Variants in JMJD1C observed in about 807,000 individuals in gnomAD.
JMJD1C encodes jumonji domain containing 1C.
In JMJD1C, 31 loss-of-function variants were observed where a neutral mutation model predicts 245.3. The observed-to-expected ratio is 0.13, with a 90% CI of 0.09 to 0.17. JMJD1C has a LOEUF of 0.17. Ranked by LOEUF, JMJD1C falls within the 10% of genes least tolerant of loss-of-function variation. JMJD1C has a pLI of 1.00. For synonymous variants in JMJD1C, 1,057 were observed against 1,017.4 expected, an observed-to-expected ratio of 1.04 and a Z score of -0.74; for missense variants, 2,691 against 3,000.2, an observed-to-expected ratio of 0.90 and a Z score of 2.41.
intron 1 of JMJD1C, among the ~76,000 whole-genome samples, chr10:63,420,458 G>A (rs920133491): frequency 1.3e-5 from 2 of 152,006 alleles, no homozygotes. Flanking sequence ...AGCAGTTTGG[G>A]AGGCAGAGGC....
At chr10:63,310,361 C>G (rs780645911) in intron 2 of JMJD1C, among the ~76,000 whole-genome samples, 3 of 152,142 alleles carry the variant, frequency 2.0e-5, no homozygotes, top group African/African-American at 4.8e-5. Context: ...GGAACGCTTG[C>G]CTTGCCAGAT....
chr10:63,372,755 C>A (rs1946410255), intron 2 of JMJD1C, among the ~76,000 whole-genome samples: 1 of 152,152 alleles, frequency 6.6e-6, no homozygotes, highest in Non-Finnish European at 1.5e-5. Flanking sequence ...AAAGAACTTA[C>A]AATCTATTAA....
chr10:63,329,493 A>G (rs1343112506), intron 2 of JMJD1C, among the ~76,000 whole-genome samples: 1 of 131,134 alleles, frequency 7.6e-6, no homozygotes, highest in Admixed American at 7.4e-5. Flanking sequence ...AAAAAAAAAA[A>G]GGATATGAAC....
chr10:63,181,333 C>T lies in JMJD1C; in HGVS notation c.7084+2114G>A, dbSNP rs547011245. On this transcript the variant is annotated intron_variant, in intron 22 of 25. Coordinates refer to ENST00000399262, the MANE Select transcript of JMJD1C (RefSeq NM_032776.3). ...AAATTAAAATAACAAGTACATGAGGCGGGGGAGGCATCATAATAAAGAGAA... is the reference window on the plus strand; with the variant it reads ...AAATTAAAATAACAAGTACATGAGGTGGGGGAGGCATCATAATAAAGAGAA... Among the ~76,000 whole-genome samples, 300 of 152,040 alleles carry T rather than the reference C, an allele frequency of 2.0e-3. 1 individual carries two copies. The highest frequency in any genetic ancestry group is 2.9e-3 in the Non-Finnish European group (198 of 67,996).
intron 1 of JMJD1C, among the ~76,000 whole-genome samples, chr10:63,450,323 A>G (rs1002067708): frequency 6.6e-6 from 1 of 152,060 alleles, no homozygotes; most frequent in Non-Finnish European, 1.5e-5. Flanking sequence ...GGGGTGTAAA[A>G]AAGGATATTC....
chr10:63,369,718 G>A (rs1003044266), intron 2 of JMJD1C, among the ~76,000 whole-genome samples: 2 of 152,152 alleles, frequency 1.3e-5, no homozygotes, highest in Non-Finnish European at 2.9e-5. Context: ...TAAGAGTGTA[G>A]GCCAAAGGCT....
chr10:63,168,200 TC>T, intron 25 of JMJD1C, 66 bp from the exon 26 acceptor site: 1 of 1,256,686 alleles, frequency 8.0e-7, no homozygotes, highest in Non-Finnish European at 1.1e-6. Flanking sequence ...AATGACAACT[TC>T]CAGATTTAAA....
At chr10:63,219,831 G>T (rs1260752216) in intron 4 of JMJD1C, 47 bp downstream of exon 4, 2 of 1,311,222 alleles carry the variant, frequency 1.5e-6, no homozygotes. Context: ...AATATGATAA[G>T]TTGCCTAGAT....
At chr10:63,466,546 G>C (rs1953295466), upstream of JMJD1C, 1 of 152,184 alleles carries the variant, frequency 6.6e-6, no homozygotes, top group Non-Finnish European at 1.5e-5. Context: ...ACATGTTTAA[G>C]CTATTCACAG....
intron 10 of JMJD1C, chr10:63,203,315 T>G: frequency 5.1e-6 from 5 of 983,112 alleles, no homozygotes; most frequent in South Asian, 9.4e-5. Context: ...TTAAGACACT[T>G]AGTCAACAAA....
In JMJD1C at chr10:63,432,178, C is replaced by T. The variant is rs143693518; in HGVS notation, c.168+33317G>A. ...CTCACTACCATACTAAAATCCCCAC[C>T]CAGGAAGTAGTTTATGTGCCATTTT... On this transcript the variant is annotated intron_variant, in intron 1 of 25. Coordinates refer to ENST00000399262, the MANE Select transcript of JMJD1C (RefSeq NM_032776.3). Among the ~76,000 whole-genome samples the T allele has an allele frequency of 1.2e-4, 18 of 152,208 alleles. No homozygotes were observed. The East Asian group carries it at 3.3e-3, about 28-fold the overall frequency.
At chr10:63,253,500 C>T (rs947002007) in intron 3 of JMJD1C, among the ~76,000 whole-genome samples, 24 of 151,980 alleles carry the variant, frequency 1.6e-4, no homozygotes, top group African/African-American at 5.6e-4. Context: ...TCTCCTGCCT[C>T]AGACTCCCGA....
At chr10:63,427,701 C>T (rs981377591) in intron 1 of JMJD1C, 2 of 1,315,410 alleles carry the variant, frequency 1.5e-6, no homozygotes, top group Admixed American at 1.7e-5. Context: ...TCTCCTCTAG[C>T]TTATTTGGTG....
intron 2 of JMJD1C, among the ~76,000 whole-genome samples, chr10:63,315,820 C>T (rs1403095894): frequency 9.4e-6 from 1 of 106,056 alleles, no homozygotes; most frequent in East Asian, 2.6e-4. Context: ...AGCCTGGGGA[C>T]AGAGTGAGAC....
At chr10:63,319,787 CAG>C (rs1198754499) in intron 2 of JMJD1C, among the ~76,000 whole-genome samples, 2 of 152,152 alleles carry the variant, frequency 1.3e-5, no homozygotes, top group Non-Finnish European at 2.9e-5. Context: ...TTCTCCACGA[CAG>C]AGTCTCGCTC....
chr10:63,520,000 G>A (rs141221576), intron 1 of JMJD1C, among the ~76,000 whole-genome samples: 1 of 152,146 alleles, frequency 6.6e-6, no homozygotes, highest in African/African-American at 2.4e-5. Context: ...AAAAGATTCA[G>A]AGTTAAATGC....
chr10:63,296,035 G>A (rs184034096), intron 2 of JMJD1C, among the ~76,000 whole-genome samples: 4,551 of 133,702 alleles, frequency 0.034, 137 homozygotes, highest in Middle Eastern at 0.052. Flanking sequence ...TTCTTAGATG[G>A]AGTTTCACTC....
At chr10:63,373,631 A>G (rs186634248) in intron 2 of JMJD1C, among the ~76,000 whole-genome samples, 3 of 152,342 alleles carry the variant, frequency 2.0e-5, no homozygotes, top group Admixed American at 1.3e-4. Flanking sequence ...AACATAAAGC[A>G]AGTATCATGT....
At chr10:63,440,390 C>T (rs1019825734) in intron 1 of JMJD1C, among the ~76,000 whole-genome samples, 1 of 138,846 alleles carries the variant, frequency 7.2e-6, no homozygotes, top group Non-Finnish European at 1.6e-5. Context: ...AGAGAGAGAG[C>T]GCAAGCGTGC....
Sources: allele counts gnomAD v4.1 joint callset (sites outside exome capture counted in the v4.1 genomes callset), GRCh38; gene constraint gnomAD v4.1.1; transcripts MANE v1.5; gene names NCBI Gene and HGNC (gene_info 2026-07-23, HGNC 2026-07-21).